NCMAP: variants seen among roughly 807,000 people sequenced by gnomAD.
NCMAP encodes the protein non-compact myelin associated protein.
Under a neutral mutation model 7.8 loss-of-function variants are expected in NCMAP, and 8 were observed. That is an observed-to-expected ratio of 1.02 (90% CI 0.60 to 1.84). The LOEUF (loss-of-function observed/expected upper bound fraction) is 1.84. Among genes scored for constraint, NCMAP ranks in the 40% most tolerant of loss-of-function variants. The pLI is 0.00. For missense variants in NCMAP, 112 were observed against 131.4 expected (o/e 0.85, Z 0.72); for synonymous variants, 41 against 52.9 (o/e 0.78, Z 0.98).
chr1:24,580,031 T>C (rs995232060), intron 1 of NCMAP, among the ~76,000 whole-genome samples: 6 of 152,156 alleles, frequency 3.9e-5, no homozygotes, highest in Non-Finnish European at 7.3e-5. Context: ...CTAGCAGGCC[T>C]GAGTGGAGCT....
chr1:24,602,173 T>C (rs917956386), intron 3 of NCMAP, among the ~76,000 whole-genome samples: 1 of 152,182 alleles, frequency 6.6e-6, no homozygotes, highest in Non-Finnish European at 1.5e-5. Context: ...AGGTTACCCA[T>C]ACACATATCC....
chr1:24,581,025 G>C (rs956873609), intron 1 of NCMAP, among the ~76,000 whole-genome samples: 1 of 151,632 alleles, frequency 6.6e-6, no homozygotes, highest in Non-Finnish European at 1.5e-5. Flanking sequence ...CTTGATTCTT[G>C]ATTCCTTCAC....
intron 2 of NCMAP, among the ~76,000 whole-genome samples, chr1:24,599,900 T>G (rs1444654358): frequency 6.7e-6 from 1 of 148,156 alleles, no homozygotes; most frequent in Non-Finnish European, 1.5e-5. Flanking sequence ...ATGGTTCCAT[T>G]TTTATCAAGT....
rs555342098 is a variant in NCMAP, at chr1:24,578,560, C to CTTTTTT, written c.-7-16849_-7-16844dup. On this transcript the variant is annotated intron_variant, in intron 1 of 3. Coordinates refer to ENST00000374392, the MANE Select transcript of NCMAP (RefSeq NM_001010980.5). ...AGCTTAGTTTTCTTTTTCTTTCTTT[C>CTTTTTT]TTTTTTTTTTTTTTTTTTTTGAGAC... 3.5e-3 allele frequency among the ~76,000 whole-genome samples: 373 copies of CTTTTTT among 107,358 alleles called. 6 individuals are homozygous for CTTTTTT. Among genetic ancestry groups the CTTTTTT allele is most frequent in the African/African-American group, 0.015 (352 of 22,998 alleles). The allele number at this position is 107,358 out of a possible 152,430, so 70.4% of individuals were successfully genotyped here. A position where few individuals can be genotyped will look rare whatever the true frequency, so the allele number is the denominator to read the frequency against.
At chr1:24,558,972 A>T (rs1650976983) in intron 1 of NCMAP, among the ~76,000 whole-genome samples, 1 of 152,222 alleles carries the variant, frequency 6.6e-6, no homozygotes, top group South Asian at 2.1e-4. Context: ...TCTTAAAAAA[A>T]AAACCTCATG....
chr1:24,601,717 C>A (rs1425351208), intron 3 of NCMAP, among the ~76,000 whole-genome samples: 2 of 152,072 alleles, frequency 1.3e-5, no homozygotes, highest in African/African-American at 4.8e-5. Flanking sequence ...CCAGCCTGGG[C>A]AACATAGCAA....
At chr1:24,597,033 G>C (rs1358172505) in intron 2 of NCMAP, among the ~76,000 whole-genome samples, 1 of 152,184 alleles carries the variant, frequency 6.6e-6, no homozygotes, top group Non-Finnish European at 1.5e-5. Flanking sequence ...TCTCTTCCAT[G>C]AAGAGTCAGA....
At chr1:24,578,500 G>C (rs1355082918) in intron 1 of NCMAP, among the ~76,000 whole-genome samples, 1 of 151,428 alleles carries the variant, frequency 6.6e-6, no homozygotes, top group Non-Finnish European at 1.5e-5. Flanking sequence ...GAATAGAAAG[G>C]AGGAGTTTTA....
intron 3 of NCMAP, among the ~76,000 whole-genome samples, chr1:24,602,202 A>G (rs9725412): frequency 0.054 from 8,226 of 152,190 alleles, 773 homozygotes; most frequent in African/African-American, 0.19. Context: ...GCAACACAGC[A>G]AGGTCTTAAC....
At chr1:24,604,173 A>G (rs954673114) in intron 3 of NCMAP, among the ~76,000 whole-genome samples, 1 of 151,402 alleles carries the variant, frequency 6.6e-6, no homozygotes, top group Non-Finnish European at 1.5e-5. Context: ...TTAGGGATTA[A>G]GTTTCCAATG....
In NCMAP at chr1:24,608,492, T is replaced by C. The variant is rs1024157884; in HGVS notation, c.*2745T>C. ...AGGATTCCTGCTTCATTCAAGCTAC[T>C]ACTTAGGCCCAAGGAGCAAGGGGTA... On this transcript the variant is annotated 3_prime_UTR_variant, in exon 4 of 4. Coordinates refer to ENST00000374392, the MANE Select transcript of NCMAP (RefSeq NM_001010980.5). 7 of 152,288 alleles carry C rather than the reference T, an allele frequency of 4.6e-5. No homozygotes were observed. Among genetic ancestry groups the C allele is most frequent in the Non-Finnish European group, 8.8e-5 (6 of 68,072 alleles). 9.4% of individuals were successfully genotyped at this position (152,288 alleles called of 1,614,324 possible). A position where few individuals can be genotyped will look rare whatever the true frequency, so the allele number is the denominator to read the frequency against.
intron 1 of NCMAP, among the ~76,000 whole-genome samples, chr1:24,585,850 T>C (rs1184992076): frequency 1.3e-5 from 2 of 152,184 alleles, no homozygotes; most frequent in Non-Finnish European, 2.9e-5. Flanking sequence ...TCCTGGTGAA[T>C]CCCTGCTCAG....
intron 2 of NCMAP, among the ~76,000 whole-genome samples, chr1:24,597,555 A>G (rs970861600): frequency 1.9e-4 from 4 of 21,296 alleles, no homozygotes; most frequent in Non-Finnish European, 2.4e-4. Flanking sequence ...GGGGAGGAGA[A>G]GGGGGGGAGG....
intron 2 of NCMAP, among the ~76,000 whole-genome samples, chr1:24,597,820 C>A (rs4425930): frequency 0.59 from 90,137 of 151,936 alleles, 27,059 homozygotes; most frequent in African/African-American, 0.69. Flanking sequence ...AACAATGAAT[C>A]CTTATTTAGT....
At chr1:24,556,353 G>T (rs1306287774) in intron 1 of NCMAP, among the ~76,000 whole-genome samples, 184 bp downstream of exon 1, 1 of 152,132 alleles carries the variant, frequency 6.6e-6, no homozygotes, top group Non-Finnish European at 1.5e-5. Context: ...GGGTCTGCGC[G>T]GGAGGGCGTT....
Position 24,576,390 on chromosome 1 carries a change from C to G in NCMAP, c.-7-19034C>G, listed in dbSNP as rs1258016832. 6.6e-6 allele frequency among the ~76,000 whole-genome samples: 1 copy of G among 152,234 alleles called. No individual in the cohort carries two copies. Among genetic ancestry groups the G allele is most frequent in the Non-Finnish European group, 1.5e-5 (1 of 68,044 alleles). On this transcript the variant is annotated intron_variant, in intron 1 of 3. Transcript: ENST00000374392. The surrounding 1 kb of genome is among the most constrained non-coding windows in gnomAD (Gnocchi z 4.0). ...GTGACTGGCCACTGGCCAGCTCACA[C>G]CGTGGGCAGCTTGAACGGCTGGGAT...
At chr1:24,573,256 TGG>T (rs1651442285) in intron 1 of NCMAP, among the ~76,000 whole-genome samples, 1 of 150,742 alleles carries the variant, frequency 6.6e-6, no homozygotes, top group African/African-American at 2.5e-5. Context: ...AGCTCTGTAG[TGG>T]GCAAGGCATC....
At chr1:24,602,442 C>CTCT (rs1652536063) in intron 3 of NCMAP, among the ~76,000 whole-genome samples, 8 of 146,294 alleles carry the variant, frequency 5.5e-5, no homozygotes, top group African/African-American at 1.9e-4. Flanking sequence ...CAGTGGTGGG[C>CTCT]GCCTGTAGTC....
At chr1:24,569,195 T>C (rs915996205) in intron 1 of NCMAP, among the ~76,000 whole-genome samples, 2 of 152,042 alleles carry the variant, frequency 1.3e-5, no homozygotes, top group African/African-American at 4.8e-5. Context: ...GGTTTCACCA[T>C]GTTGGCCAGG....
Sources: allele counts gnomAD v4.1 joint callset (sites outside exome capture counted in the v4.1 genomes callset), GRCh38; gene constraint gnomAD v4.1.1; non-coding constraint Gnocchi (gnomAD v3.1); transcripts MANE v1.5; gene names NCBI Gene and HGNC (gene_info 2026-07-23, HGNC 2026-07-21).